NHS: variants seen among roughly 807,000 people sequenced by gnomAD.
The protein encoded by NHS is NHS actin remodeling regulator, also known as actin remodeling regulator NHS.
NHS carries 5 observed loss-of-function variants against 72.5 expected under a neutral mutation model. That is an observed-to-expected ratio of 0.07 (90% confidence interval 0.04 to 0.14). The LOEUF (loss-of-function observed/expected upper bound fraction) is 0.14, where lower values mean the gene tolerates loss of function less well. Among genes scored for constraint, NHS ranks in the 10% least tolerant of loss-of-function variants. The pLI is 1.00. For missense variants in NHS, 1,072 were observed against 1,355.7 expected (o/e 0.79, Z 3.29); for synonymous variants, 464 against 547.7 (o/e 0.85, Z 2.13).
Position 17,430,360 on chromosome X carries a change from CT to C in NHS, c.565+54041del, listed in dbSNP as rs1476785051. ...TTCTCTTTCTTTCTTTCTTTTTCTT[CT>C]TTCTTTCTTTCCTTCTTTCTTTCTT... On this transcript the variant is annotated intron_variant, in intron 1 of 8. Transcript: ENST00000676302. 8.1e-3 allele frequency among the ~76,000 whole-genome samples: 586 copies of C among 72,104 alleles called. 8 individuals are homozygous for C. The highest frequency in any genetic ancestry group is 0.029 in the African/African-American group (549 of 18,856). The allele number at this position is 72,104 out of a possible 115,157, so 62.6% of individuals were successfully genotyped here. A position where few individuals can be genotyped will look rare whatever the true frequency, so the allele number is the denominator to read the frequency against.
At chrX:17,572,491 C>CCT (rs1556011021) in intron 1 of NHS, among the ~76,000 whole-genome samples, 6 of 46,772 alleles carry the variant, frequency 1.3e-4, no homozygotes, top group African/African-American at 7.8e-4. Flanking sequence ...GCAACCCCTG[C>CCT]TTTTTTTTTT....
intron 1 of NHS, among the ~76,000 whole-genome samples, chrX:17,583,343 TC>T (rs1435426702): frequency 1.8e-5 from 2 of 111,488 alleles, no homozygotes; most frequent in Non-Finnish European, 3.8e-5. Context: ...AAGTAATGCC[TC>T]CAACTCCATT....
At chrX:17,463,565 C>A (rs887809289) in intron 1 of NHS, among the ~76,000 whole-genome samples, 7 of 111,388 alleles carry the variant, frequency 6.3e-5, no homozygotes, top group Admixed American at 4.8e-4. Context: ...ACTGATATTC[C>A]AGGGTTGCTG....
chrX:17,612,949 T>C (rs1370427114), intron 1 of NHS, among the ~76,000 whole-genome samples: 1 of 111,835 alleles, frequency 8.9e-6, no homozygotes, highest in Non-Finnish European at 1.9e-5. Context: ...TGGCTGCCTG[T>C]GTGTGATAGG....
At position 17,375,830 on chromosome X, in the gene NHS, G is replaced by A; in HGVS notation, c.73G>A (p.Val25Met). 2.6e-6 allele frequency: 3 copies of A among 1,148,109 alleles called. No homozygotes were observed. Among genetic ancestry groups the A allele is most frequent in the Non-Finnish European group, 3.4e-6 (3 of 869,747 alleles). The allele number at this position is 1,148,109 out of a possible 1,213,427, so 94.6% of individuals were successfully genotyped here. ...RQRRPAPGPA[V>M]DASGGSAEPP... ...GCGGCGCCCTGCGCCCGGCCCAGCA[G>A]TGGACGCGAGCGGAGGCAGCGCTGA... Residue 25 changes from valine to methionine, a missense_variant, in exon 1 of 9, where the codon GTG becomes ATG. Coordinates refer to ENST00000676302, the MANE Select transcript of NHS (RefSeq NM_001291867.2).
chrX:17,446,656 C>CA (rs565284624), intron 1 of NHS, among the ~76,000 whole-genome samples: 3,474 of 90,417 alleles, frequency 0.038, 54 homozygotes, highest in African/African-American at 0.063. Flanking sequence ...CCTTTTTGCC[C>CA]AAAAAAAAAA....
intron 1 of NHS, among the ~76,000 whole-genome samples, chrX:17,502,098 C>T (rs993944912): frequency 2.7e-5 from 3 of 111,741 alleles, no homozygotes; most frequent in African/African-American, 9.7e-5. Context: ...AGCTTGTGTA[C>T]ACTCGGGAAA....
Position 17,652,273 on chromosome X carries a change from G to A in NHS, c.566-35469G>A, listed in dbSNP as rs183397179. ...CTTTCAGTAAAAACATCAGTATGTC[G>A]AAGAGACATCTGCACTCCCATGTTT... On this transcript the variant is annotated intron_variant, in intron 1 of 8. Transcript: ENST00000676302. Among the ~76,000 whole-genome samples the A allele has an allele frequency of 6.2e-5, 7 of 112,579 alleles. No homozygotes were observed. In the East Asian group the frequency reaches 1.7e-3, roughly 27 times the overall value.
chrX:17,700,166 C>G (rs1358971790), intron 3 of NHS, among the ~76,000 whole-genome samples: 1 of 111,187 alleles, frequency 9.0e-6, no homozygotes, highest in Non-Finnish European at 1.9e-5. Context: ...GAAATGCAGG[C>G]CAGAGCATTA....
At chrX:17,587,489 T>C (rs1411457103) in intron 1 of NHS, among the ~76,000 whole-genome samples, 1 of 112,465 alleles carries the variant, frequency 8.9e-6, no homozygotes, top group Non-Finnish European at 1.9e-5. Flanking sequence ...TTCTTTTCCT[T>C]TTGTGACATT....
At chrX:17,616,981 GA>G (rs775629736) in intron 1 of NHS, among the ~76,000 whole-genome samples, 1 of 111,272 alleles carries the variant, frequency 9.0e-6, no homozygotes, top group African/African-American at 3.3e-5. Flanking sequence ...AATTGTAAAA[GA>G]AAAAAAAGTG....
intron 1 of NHS, among the ~76,000 whole-genome samples, chrX:17,579,876 A>G (rs5955950): frequency 0.058 from 6,375 of 110,724 alleles, 435 homozygotes; most frequent in African/African-American, 0.2. Flanking sequence ...GAGGGGGATG[A>G]TTTGGTGGGA....
chrX:17,573,129 C>G lies in NHS; in HGVS notation c.566-114613C>G, dbSNP rs756467926. 3.6e-5 allele frequency among the ~76,000 whole-genome samples: 4 copies of G among 111,403 alleles called. No individual in the cohort carries two copies. The Admixed American group carries it at 3.8e-4, about 11-fold the overall frequency. On this transcript the variant is annotated intron_variant, in intron 1 of 8. Transcript: ENST00000676302. ...TTAATATTTTTTCCTTCATTTCAAC[C>G]TTGGTGAATCTGACAATTATGTGTC...
chrX:17,459,941 A>G (rs113284094), intron 1 of NHS, among the ~76,000 whole-genome samples: 4,247 of 111,951 alleles, frequency 0.038, 212 homozygotes, highest in African/African-American at 0.13. Context: ...CATTTAATAC[A>G]CTGCATAGAG....
At chrX:17,491,723 G>A (rs112672416) in intron 1 of NHS, among the ~76,000 whole-genome samples, 3,559 of 105,972 alleles carry the variant, frequency 0.034, 167 homozygotes, top group African/African-American at 0.12. Context: ...ATCTCTGGTT[G>A]AATTCGGCTG....
chrX:17,522,542 G>C (rs775895129), intron 1 of NHS, among the ~76,000 whole-genome samples: 2 of 88,625 alleles, frequency 2.3e-5, no homozygotes, highest in East Asian at 3.8e-4. Flanking sequence ...GCCCAGGGCC[G>C]TCTGTGGTCC....
chrX:17,607,933 T>G (rs1158148296), intron 1 of NHS, among the ~76,000 whole-genome samples: 2 of 104,303 alleles, frequency 1.9e-5, no homozygotes, highest in African/African-American at 7.0e-5. Flanking sequence ...TTTTTTTTTT[T>G]TTTGAGACAG....
chrX:17,692,152 T>C (rs756923994), intron 2 of NHS, among the ~76,000 whole-genome samples, 183 bp from the exon 3 acceptor site: 5 of 111,901 alleles, frequency 4.5e-5, no homozygotes, highest in Non-Finnish European at 5.6e-5. Flanking sequence ...AATTTCATAT[T>C]AATAGTAAGT....
intron 3 of NHS, among the ~76,000 whole-genome samples, chrX:17,716,244 C>A (rs1173579645): frequency 1.8e-5 from 2 of 111,753 alleles, no homozygotes; most frequent in Non-Finnish European, 3.8e-5. Flanking sequence ...GAAGTCCACT[C>A]CTCACCCCTC....
Sources: allele counts gnomAD v4.1 joint callset (sites outside exome capture counted in the v4.1 genomes callset), GRCh38; gene constraint gnomAD v4.1.1; transcripts MANE v1.5; gene names NCBI Gene and HGNC (gene_info 2026-07-23, HGNC 2026-07-21).